The following RAB11FIP3 variants were observed in gnomAD, a reference collection of about 807,000 sequenced individuals.
The protein encoded by RAB11FIP3 is RAB11 family interacting protein 3.
RAB11FIP3 carries 17 observed loss-of-function variants against 77.8 expected under a neutral mutation model. The ratio of observed to expected loss-of-function variants is 0.22; its 90% CI spans 0.15 to 0.33. RAB11FIP3 has a LOEUF of 0.33. RAB11FIP3 is among the 10% of genes least tolerant of loss of function. The pLI is 1.00. For synonymous variants in RAB11FIP3, 437 were observed against 448.2 expected, an observed-to-expected ratio of 0.98 and a Z score of 0.31; for missense variants, 1,005 against 1,011.2, an observed-to-expected ratio of 0.99 and a Z score of 0.08.
At chr16:502,767 CTG>C (rs2031602747) in intron 6 of RAB11FIP3, 2 of 558,310 alleles carry the variant, frequency 3.6e-6, no homozygotes, top group South Asian at 2.4e-5. Flanking sequence ...CAGGAAGACT[CTG>C]AGACCACAGA....
chr16:457,168 T>C (rs76662672), intron 1 of RAB11FIP3, among the ~76,000 whole-genome samples: 5,415 of 152,278 alleles, frequency 0.036, 306 homozygotes, highest in African/African-American at 0.12. Context: ...TGTGAAGCCA[T>C]AATACAGTGT....
At chr16:520,075 C>T (rs1424667489) in intron 11 of RAB11FIP3, 47 bp from the exon 12 acceptor site, 2 of 1,539,014 alleles carry the variant, frequency 1.3e-6, no homozygotes, top group Non-Finnish European at 8.8e-7. Flanking sequence ...CTGACGGTGG[C>T]CCCTGGGAGC....
At chr16:442,425 T>C (rs2055243219) in intron 1 of RAB11FIP3, among the ~76,000 whole-genome samples, 1 of 152,234 alleles carries the variant, frequency 6.6e-6, no homozygotes, top group Non-Finnish European at 1.5e-5. Flanking sequence ...TGGAGCGTTA[T>C]TAGAACCCTC....
chr16:463,158 C>T (rs184937445), intron 2 of RAB11FIP3, among the ~76,000 whole-genome samples: 3 of 152,264 alleles, frequency 2.0e-5, no homozygotes, highest in Admixed American at 1.3e-4. Context: ...AAGCTCTGAA[C>T]AGGCCATCTC....
intron 5 of RAB11FIP3, among the ~76,000 whole-genome samples, chr16:492,727 A>C (rs12719809): frequency 6.6e-6 from 1 of 151,950 alleles, no homozygotes; most frequent in Non-Finnish European, 1.5e-5. Context: ...CAAGCATGTC[A>C]TCTCCGTACA....
intron 9 of RAB11FIP3, among the ~76,000 whole-genome samples, chr16:517,830 C>T (rs2032488161): frequency 1.3e-5 from 2 of 152,174 alleles, no homozygotes; most frequent in Admixed American, 1.3e-4. Flanking sequence ...CGCCTGTAAT[C>T]CCAGCACTTT....
At chr16:432,236 G>A (rs933578299) in intron 1 of RAB11FIP3, among the ~76,000 whole-genome samples, 7 of 152,058 alleles carry the variant, frequency 4.6e-5, no homozygotes, top group African/African-American at 7.2e-5. Context: ...AATTAGCTGG[G>A]TGTGGTGGTA....
In RAB11FIP3 at chr16:507,563, G is replaced by A. The variant is rs538477750; in HGVS notation, c.1499+1936G>A. ...TGTCCAGCCTAGATGCCTTTGTCGA[G>A]TTGACTGTGGAGGTTTCATTTGAGT... On this transcript the variant is annotated intron_variant, in intron 8 of 13. Transcript: ENST00000262305. This position sits in a 1 kb window ranked among gnomAD's most constrained non-coding sequence, Gnocchi z 4.6. Among the ~76,000 whole-genome samples, 2 of 152,312 alleles carry A rather than the reference G, an allele frequency of 1.3e-5. No individual in the cohort carries two copies. The highest frequency in any genetic ancestry group is 4.1e-4 in the South Asian group (2 of 4,822).
chr16:438,578 G>A (rs1358109192), intron 1 of RAB11FIP3, among the ~76,000 whole-genome samples: 4 of 151,056 alleles, frequency 2.6e-5, no homozygotes, highest in Admixed American at 1.3e-4. Flanking sequence ...GCTAATTTTT[G>A]TATGTTCATA....
At chr16:468,893 C>T (rs115199699) in intron 2 of RAB11FIP3, among the ~76,000 whole-genome samples, 3 of 152,174 alleles carry the variant, frequency 2.0e-5, no homozygotes, top group Admixed American at 2.0e-4. Flanking sequence ...CCCTGCTCCG[C>T]CCTCTGGGGC....
intron 1 of RAB11FIP3, among the ~76,000 whole-genome samples, chr16:441,900 A>G (rs1404380190): frequency 7.2e-5 from 11 of 152,226 alleles, no homozygotes; most frequent in Non-Finnish European, 1.3e-4. Flanking sequence ...GTGCAGTGGC[A>G]CCATGTTGGC....
intron 1 of RAB11FIP3, among the ~76,000 whole-genome samples, chr16:437,686 T>C (rs1394889932): frequency 6.6e-6 from 1 of 152,074 alleles, no homozygotes; most frequent in Non-Finnish European, 1.5e-5. Flanking sequence ...CTATATGTTA[T>C]AGACATCAGA....
At chr16:467,067 G>A (rs770436618) in intron 2 of RAB11FIP3, among the ~76,000 whole-genome samples, 3 of 152,194 alleles carry the variant, frequency 2.0e-5, no homozygotes, top group East Asian at 3.9e-4. Context: ...GACGTAGCAC[G>A]AAACGGCAGT....
chr16:495,379 A>G (rs149537433), intron 5 of RAB11FIP3, among the ~76,000 whole-genome samples: 3,206 of 152,290 alleles, frequency 0.021, 56 homozygotes, highest in Non-Finnish European at 0.031. Flanking sequence ...CTTGTGGGGA[A>G]CCTGCCTCCT....
chr16:443,271 T>C (rs959882795), intron 1 of RAB11FIP3, among the ~76,000 whole-genome samples: 2 of 152,054 alleles, frequency 1.3e-5, no homozygotes, highest in African/African-American at 4.8e-5. Context: ...GGCTTGCGAG[T>C]GCCTTTAAAG....
intron 5 of RAB11FIP3, among the ~76,000 whole-genome samples, chr16:490,517 T>C (rs1414734928): frequency 6.6e-6 from 1 of 152,182 alleles, no homozygotes; most frequent in East Asian, 1.9e-4. Context: ...TTTTGTATTT[T>C]TTGTAGAGAC....
intron 1 of RAB11FIP3, among the ~76,000 whole-genome samples, chr16:444,852 C>G (rs1016082292): frequency 1.3e-5 from 2 of 151,926 alleles, no homozygotes; most frequent in African/African-American, 4.8e-5. Flanking sequence ...CGGTGGCTCA[C>G]GCCTGTAATC....
At chr16:498,378 T>G (rs1301116477) in intron 6 of RAB11FIP3, among the ~76,000 whole-genome samples, 1 of 152,186 alleles carries the variant, frequency 6.6e-6, no homozygotes, top group African/African-American at 2.4e-5. Flanking sequence ...TTTCACTACG[T>G]TGCCCAGACT....
At chr16:434,376 A>G (rs530927553) in intron 1 of RAB11FIP3, among the ~76,000 whole-genome samples, 14 of 151,996 alleles carry the variant, frequency 9.2e-5, no homozygotes, top group South Asian at 2.1e-4. Flanking sequence ...TGCGTGCCGC[A>G]GCCTCCCAAA....
Sources: allele counts gnomAD v4.1 joint callset (sites outside exome capture counted in the v4.1 genomes callset), GRCh38; gene constraint gnomAD v4.1.1; non-coding constraint Gnocchi (gnomAD v3.1); transcripts MANE v1.5; gene names NCBI Gene and HGNC (gene_info 2026-07-23, HGNC 2026-07-21).